The following PRKACB variants were observed in gnomAD, a reference collection of about 807,000 sequenced individuals.
PRKACB encodes the protein cAMP-dependent protein kinase catalytic subunit beta.
PRKACB carries 16 observed loss-of-function variants against 51.4 expected under a neutral mutation model. That is an observed-to-expected ratio of 0.31 (90% CI 0.21 to 0.47). The LOEUF is 0.47. Ranked by LOEUF, PRKACB falls within the 20% of genes least tolerant of loss-of-function variation. PRKACB has a pLI of 1.00. For synonymous variants in PRKACB, 147 were observed against 154.4 expected (o/e 0.95, Z 0.35); for missense variants, 309 against 464.5 (o/e 0.67, Z 3.08).
intron 8 of PRKACB, among the ~76,000 whole-genome samples, chr1:84,206,710 G>A (rs954760406): frequency 5.3e-5 from 8 of 152,146 alleles, no homozygotes; most frequent in Non-Finnish European, 1.0e-4. Context: ...CAGAACAAAA[G>A]TAGTTGTTCA....
intron 1 of PRKACB, chr1:84,085,857 T>C (rs1647933978): frequency 3.5e-6 from 2 of 567,768 alleles, no homozygotes; most frequent in South Asian, 2.5e-5. Flanking sequence ...AGTGCAGTCC[T>C]GGTGGCCTGG....
At chr1:84,140,113 C>G (rs999753129), upstream of PRKACB, among the ~76,000 whole-genome samples, 3 of 152,016 alleles carry the variant, frequency 2.0e-5, no homozygotes, top group African/African-American at 7.2e-5. Context: ...TTCAGACTTA[C>G]TAGAAAGCTA....
chr1:84,080,875 T>C (rs1337924827), intron 1 of PRKACB, among the ~76,000 whole-genome samples: 2 of 150,952 alleles, frequency 1.3e-5, no homozygotes, highest in African/African-American at 5.0e-5. Flanking sequence ...TCAGCATCAA[T>C]AAATAATCAG....
In PRKACB at chr1:84,238,278, T is replaced by G. The variant is rs1419810481; in HGVS notation, c.*2973T>G. 1 of 152,588 alleles carries G rather than the reference T, an allele frequency of 6.6e-6. No individual in the cohort carries two copies. Among genetic ancestry groups the G allele is most frequent in the African/African-American group, 2.4e-5 (1 of 41,440 alleles). The allele number at this position is 152,588 out of a possible 1,614,324, so 9.5% of individuals were successfully genotyped here. A position where few individuals can be genotyped will look rare whatever the true frequency, so the allele number is the denominator to read the frequency against. On this transcript the variant is annotated 3_prime_UTR_variant, in exon 10 of 10. Coordinates refer to ENST00000370685, the MANE Select transcript of PRKACB (RefSeq NM_182948.4). ...AAAAAATCTTTCCCACTGTTTTTTC[T>G]GCTTGTTGTAAGAATCAAATGAAAT...
intron 5 of PRKACB, among the ~76,000 whole-genome samples, chr1:84,186,367 C>T (rs1482786188): frequency 2.6e-5 from 4 of 151,858 alleles, no homozygotes; most frequent in South Asian, 2.1e-4. Context: ...TAGAGGTGTC[C>T]GCCACCACAT....
intron 5 of PRKACB, among the ~76,000 whole-genome samples, chr1:84,193,845 C>T (rs186624570): frequency 1.7e-4 from 26 of 152,170 alleles, no homozygotes; most frequent in Middle Eastern, 3.4e-3. Flanking sequence ...TAAATACTGG[C>T]ATAACTAAAA....
intron 1 of PRKACB, among the ~76,000 whole-genome samples, chr1:84,127,381 T>C (rs1460134572): frequency 1.3e-5 from 2 of 152,152 alleles, no homozygotes; most frequent in East Asian, 3.8e-4. Flanking sequence ...CATTTCTTTG[T>C]TGGAAAGAAA....
intron 1 of PRKACB, among the ~76,000 whole-genome samples, chr1:84,117,226 T>C (rs1267716882): frequency 6.6e-6 from 1 of 152,136 alleles, no homozygotes; most frequent in Non-Finnish European, 1.5e-5. Context: ...TTGTTGAGGA[T>C]TTTTGTGTCT....
intron 5 of PRKACB, among the ~76,000 whole-genome samples, chr1:84,192,776 G>C (rs1667169304): frequency 6.6e-6 from 1 of 152,142 alleles, no homozygotes; most frequent in Non-Finnish European, 1.5e-5. Context: ...ACAACAGACT[G>C]TTTGAATGAT....
chr1:84,219,390 A>G (rs1220093995), intron 9 of PRKACB, among the ~76,000 whole-genome samples: 1 of 151,666 alleles, frequency 6.6e-6, no homozygotes, highest in Non-Finnish European at 1.5e-5. Context: ...ACACCCAGCT[A>G]ATTTTTGTAT....
At chr1:84,172,020 C>A (rs1376360984) in intron 1 of PRKACB, among the ~76,000 whole-genome samples, 1 of 151,508 alleles carries the variant, frequency 6.6e-6, no homozygotes, top group Non-Finnish European at 1.5e-5. Context: ...GGATATTTAC[C>A]TAATCTTTAA....
chr1:84,194,084 G>A (rs1667539923), intron 5 of PRKACB, among the ~76,000 whole-genome samples: 1 of 152,048 alleles, frequency 6.6e-6, no homozygotes, highest in Non-Finnish European at 1.5e-5. Flanking sequence ...TTATCTTTGA[G>A]AATTTTCTTT....
chr1:84,195,178 G>A (rs1370931772), intron 5 of PRKACB, among the ~76,000 whole-genome samples: 1 of 152,156 alleles, frequency 6.6e-6, no homozygotes, highest in African/African-American at 2.4e-5. Flanking sequence ...TGCTTACAAT[G>A]TTCTCCTCAT....
chr1:84,158,193 A>G (rs1162976731), intron 1 of PRKACB, among the ~76,000 whole-genome samples: 1 of 151,272 alleles, frequency 6.6e-6, no homozygotes, highest in African/African-American at 2.4e-5. Flanking sequence ...ATGCGCCATC[A>G]CTCCCGGCTA....
At chr1:84,123,545 G>T (rs1238697463) in intron 1 of PRKACB, among the ~76,000 whole-genome samples, 3 of 152,010 alleles carry the variant, frequency 2.0e-5, no homozygotes, top group Non-Finnish European at 4.4e-5. Context: ...TTAAAAAAAA[G>T]AATTTGGGAA....
intron 1 of PRKACB, among the ~76,000 whole-genome samples, chr1:84,101,246 T>C (rs972224560): frequency 2.6e-5 from 4 of 152,202 alleles, no homozygotes; most frequent in African/African-American, 9.6e-5. Flanking sequence ...CTGAGTTTCT[T>C]CTTCTGGGAA....
chr1:84,138,502 T>C (rs919547047), intron 1 of PRKACB, among the ~76,000 whole-genome samples: 1 of 152,172 alleles, frequency 6.6e-6, no homozygotes, highest in African/African-American at 2.4e-5. Context: ...ACTCTGTTTA[T>C]TGAAGACATT....
chr1:84,167,386 A>G (rs1258638442), intron 1 of PRKACB, among the ~76,000 whole-genome samples: 1 of 151,578 alleles, frequency 6.6e-6, no homozygotes, highest in South Asian at 2.1e-4. Flanking sequence ...ATTTTGATCT[A>G]GCCATACTAT....
intron 1 of PRKACB, among the ~76,000 whole-genome samples, chr1:84,126,984 C>T (rs1651673156): frequency 6.6e-6 from 1 of 152,180 alleles, no homozygotes; most frequent in Non-Finnish European, 1.5e-5. Flanking sequence ...CTTCCACCTA[C>T]ACAGAAGATT....
Sources: gnomAD v4.1 joint callset for allele counts (sites outside exome capture counted in the v4.1 genomes callset) on GRCh38, gnomAD v4.1.1 for gene constraint, MANE v1.5 for transcripts, NCBI Gene and HGNC (gene_info 2026-07-23, HGNC 2026-07-21) for gene names.